PON2: variants seen among roughly 807,000 people sequenced by gnomAD.
PON2 encodes serum paraoxonase/arylesterase 2.
A neutral mutation model predicts 36.6 loss-of-function variants in PON2; 27 were observed. The ratio of observed to expected loss-of-function variants is 0.74; its 90% CI spans 0.54 to 1.02. The LOEUF (loss-of-function observed/expected upper bound fraction) is 1.02. PON2 is among the 50% of genes least tolerant of loss of function. The probability of loss-of-function intolerance (pLI) is 0.00; values close to 1 mark genes in which losing one functional copy is unlikely to be tolerated. For synonymous variants in PON2, 149 were observed against 156.3 expected (o/e 0.95, Z 0.35); for missense variants, 363 against 421.1 (o/e 0.86, Z 1.21).
At chr7:95,430,752 C>T (rs1053464350) in intron 1 of PON2, among the ~76,000 whole-genome samples, 7 of 151,202 alleles carry the variant, frequency 4.6e-5, no homozygotes, top group Non-Finnish European at 1.0e-4. Flanking sequence ...AGAGCAAGAA[C>T]CTGCCTTGAA....
At chr7:95,424,995 TCA>T (rs1170598439) in intron 1 of PON2, among the ~76,000 whole-genome samples, 3 of 152,082 alleles carry the variant, frequency 2.0e-5, no homozygotes, top group Non-Finnish European at 2.9e-5. Context: ...ACTGTAAGCC[TCA>T]CACAGAGACT....
chr7:95,434,207 A>C (rs1789508195), intron 1 of PON2: 1 of 152,256 alleles, frequency 6.6e-6, no homozygotes, highest in African/African-American at 2.4e-5. Flanking sequence ...AAATAAAATA[A>C]ACAAAAAACA....
At chr7:95,421,534 A>C (rs1284741497) in intron 2 of PON2, among the ~76,000 whole-genome samples, 1 of 152,216 alleles carries the variant, frequency 6.6e-6, no homozygotes, top group Non-Finnish European at 1.5e-5. Context: ...CTGGAAGGCA[A>C]GATGAAGCTG....
chr7:95,421,531 G>C (rs1789191848), intron 2 of PON2, among the ~76,000 whole-genome samples: 1 of 152,184 alleles, frequency 6.6e-6, no homozygotes, highest in Non-Finnish European at 1.5e-5. Context: ...CAGCTGGAAG[G>C]CAAGATGAAG....
intron 1 of PON2, among the ~76,000 whole-genome samples, chr7:95,428,869 G>A (rs371046664): frequency 8.5e-5 from 13 of 152,074 alleles, no homozygotes; most frequent in Admixed American, 4.6e-4. Context: ...CTGACTGTGC[G>A]CTTGGCATTA....
intron 7 of PON2, 104 bp downstream of exon 7, chr7:95,406,883 C>A: frequency 1.5e-6 from 1 of 687,356 alleles, no homozygotes; most frequent in Non-Finnish European, 2.5e-6. Flanking sequence ...AGAATAGCTA[C>A]ACTGGCATCC....
At chr7:95,414,022 A>G (rs1251512029) in intron 3 of PON2, among the ~76,000 whole-genome samples, 3 of 152,218 alleles carry the variant, frequency 2.0e-5, no homozygotes, top group Non-Finnish European at 4.4e-5. Flanking sequence ...TTATTTATTT[A>G]AGTATTTTTT....
At position 95,406,259 on chromosome 7, in the gene PON2, G is replaced by A; in HGVS notation, c.778-12C>T. ...TCCAGCTCAAGTACCTTCCAAATGA[G>A]AAATTGTCAAAATCTAAATGACATG... On this transcript the variant is annotated splice_polypyrimidine_tract_variant and intron_variant, in intron 7 of 8. Coordinates refer to ENST00000222572, the MANE Select transcript of PON2 (RefSeq NM_000305.3). The A allele has an allele frequency of 6.2e-7, 1 of 1,608,176 alleles. No individual in the cohort carries two copies. Among genetic ancestry groups the A allele is most frequent in the Non-Finnish European group, 8.5e-7 (1 of 1,174,888 alleles).
intron 1 of PON2, among the ~76,000 whole-genome samples, chr7:95,433,249 T>C (rs988240723): frequency 6.8e-6 from 1 of 146,760 alleles, no homozygotes; most frequent in Non-Finnish European, 1.5e-5. Context: ...AATTTTGTTT[T>C]TTATTTATTT....
chr7:95,425,274 C>T (rs1358904028), intron 1 of PON2, among the ~76,000 whole-genome samples: 2 of 152,134 alleles, frequency 1.3e-5, no homozygotes, highest in East Asian at 3.9e-4. Context: ...AGAACACCAA[C>T]TAGTTCTGTA....
intron 6 of PON2, 148 bp downstream of exon 6, chr7:95,409,753 T>C: frequency 3.9e-6 from 1 of 255,832 alleles, no homozygotes; most frequent in Non-Finnish European, 7.1e-6. Context: ...ACATATATAA[T>C]TATATATATA....
In PON2 at chr7:95,424,606, CAAAA is replaced by C. The variant is rs758229221; in HGVS notation, c.75-25_75-22del. The C allele has an allele frequency of 1.9e-6, 3 of 1,570,786 alleles. No individual in the cohort carries two copies. The African/African-American group carries it at 4.1e-5, about 21-fold the overall frequency. ...GATTTCTGTTACAAAGAAAAAAAAACAAAAAACAAAAAACTATTTGTTTATGTAT... is the reference window on the plus strand; with the variant it reads ...GATTTCTGTTACAAAGAAAAAAAAACAACAAAAAACTATTTGTTTATGTAT... On this transcript the variant is annotated intron_variant, in intron 1 of 8. Coordinates refer to ENST00000222572, the MANE Select transcript of PON2 (RefSeq NM_000305.3).
At chr7:95,431,995 C>T (rs757991141) in intron 1 of PON2, among the ~76,000 whole-genome samples, 1 of 151,892 alleles carries the variant, frequency 6.6e-6, no homozygotes, top group African/African-American at 2.4e-5. Flanking sequence ...AGCCACCCAC[C>T]ACCTACCCCA....
At chr7:95,417,502 G>C (rs1789089076) in intron 2 of PON2, among the ~76,000 whole-genome samples, 1 of 152,044 alleles carries the variant, frequency 6.6e-6, no homozygotes, top group African/African-American at 2.4e-5. Context: ...ATGCACAGAT[G>C]AGAACGTTTC....
At chr7:95,414,282 A>G (rs1446484648) in intron 3 of PON2, among the ~76,000 whole-genome samples, 1 of 152,206 alleles carries the variant, frequency 6.6e-6, no homozygotes, top group East Asian at 1.9e-4. Context: ...CAACCTCCAC[A>G]ATGTAGGACC....
At chr7:95,433,688 C>T (rs730365) in intron 1 of PON2, among the ~76,000 whole-genome samples, 22,184 of 152,212 alleles carry the variant, frequency 0.15, 1,927 homozygotes, top group African/African-American at 0.22. Context: ...TGACTTTATG[C>T]TCCCTTCAAA....
At chr7:95,412,639 C>G in intron 3 of PON2, 162 bp from the exon 4 acceptor site, 1 of 696,888 alleles carries the variant, frequency 1.4e-6, no homozygotes, top group Non-Finnish European at 2.4e-6. Flanking sequence ...AAAATAATAA[C>G]GGGGAGGTGG....
chr7:95,424,497 GC>G lies in PON2; in HGVS notation c.145+17del. ...CCAAAAAATGCAATGTGCCCAACAA[GC>G]ATTTTCATATACATACCAATTCCTT... On this transcript the variant is annotated intron_variant, in intron 2 of 8. Coordinates refer to ENST00000222572, the MANE Select transcript of PON2 (RefSeq NM_000305.3). 3.7e-6 allele frequency: 6 copies of G among 1,602,114 alleles called. No individual in the cohort carries two copies. The highest frequency in any genetic ancestry group is 5.1e-6 in the Non-Finnish European group (6 of 1,169,424).
intron 5 of PON2, among the ~76,000 whole-genome samples, chr7:95,411,253 A>G (rs1440363523): frequency 6.6e-6 from 1 of 152,174 alleles, no homozygotes; most frequent in Non-Finnish European, 1.5e-5. Flanking sequence ...TACAAACCCA[A>G]TAAAAAACAG....
Sources: allele counts gnomAD v4.1 joint callset (sites outside exome capture counted in the v4.1 genomes callset), GRCh38; gene constraint gnomAD v4.1.1; transcripts MANE v1.5; gene names NCBI Gene and HGNC (gene_info 2026-07-23, HGNC 2026-07-21).